SP100: variants seen among roughly 807,000 people sequenced by gnomAD.
SP100 encodes SP100 nuclear body protein, also known as nuclear autoantigen Sp-100.
SP100 carries 84 observed loss-of-function variants against 130.0 expected under a neutral mutation model. That is an observed-to-expected ratio of 0.65 (90% CI 0.54 to 0.77). The LOEUF is 0.77. SP100 is among the 30% of genes least tolerant of loss of function. SP100 has a pLI of 0.00. For missense variants in SP100, 978 were observed against 1,052.2 expected (o/e 0.93, Z 0.97); for synonymous variants, 331 against 351.7 (o/e 0.94, Z 0.66).
At chr2:230,500,884 G>T (rs1181300475) in intron 19 of SP100, among the ~76,000 whole-genome samples, 1 of 152,118 alleles carries the variant, frequency 6.6e-6, no homozygotes, top group Admixed American at 6.5e-5. Context: ...AGGAACGAGT[G>T]GTAAGAAAGC....
chr2:230,453,569 A>T (rs1228343158), intron 8 of SP100, among the ~76,000 whole-genome samples: 1 of 152,168 alleles, frequency 6.6e-6, no homozygotes, highest in Non-Finnish European at 1.5e-5. Context: ...TATTGAGATG[A>T]TCATATGGTT....
At chr2:230,434,504 T>C (rs969024947) in intron 2 of SP100, among the ~76,000 whole-genome samples, 1 of 152,162 alleles carries the variant, frequency 6.6e-6, no homozygotes, top group African/African-American at 2.4e-5. Context: ...ATGGCATATA[T>C]ATTTTTGGGG....
At chr2:230,432,458 C>T (rs973471878) in intron 2 of SP100, among the ~76,000 whole-genome samples, 6 of 152,062 alleles carry the variant, frequency 3.9e-5, no homozygotes, top group Non-Finnish European at 7.4e-5. Flanking sequence ...TCAAATCTGT[C>T]TTACAGTGTT....
At chr2:230,444,490 CT>C in intron 4 of SP100, 144 bp downstream of exon 4, 1 of 661,114 alleles carries the variant, frequency 1.5e-6, no homozygotes. Context: ...TGAGTCTTCT[CT>C]TAGCTCATGG....
intron 19 of SP100, 39 bp downstream of exon 19, chr2:230,498,574 A>G (rs1367004943): frequency 8.8e-7 from 1 of 1,136,352 alleles, no homozygotes; most frequent in Non-Finnish European, 1.2e-6. Flanking sequence ...AATAACGTCT[A>G]AATTCTCATG....
intron 11 of SP100, among the ~76,000 whole-genome samples, chr2:230,465,456 T>G (rs1256351071): frequency 6.6e-6 from 1 of 152,098 alleles, no homozygotes; most frequent in Non-Finnish European, 1.5e-5. Flanking sequence ...TAAATGGAGC[T>G]GGAGGCTATT....
At chr2:230,491,328 A>G (rs2066380315) in intron 17 of SP100, among the ~76,000 whole-genome samples, 1 of 152,216 alleles carries the variant, frequency 6.6e-6, no homozygotes, top group African/African-American at 2.4e-5. Flanking sequence ...GCTCAGGCCC[A>G]AGGACATCTG....
chr2:230,433,609 T>C (rs2063161189), intron 2 of SP100, among the ~76,000 whole-genome samples: 1 of 152,100 alleles, frequency 6.6e-6, no homozygotes, highest in African/African-American at 2.4e-5. Flanking sequence ...ACATATTGAG[T>C]CTTTCAATCC....
chr2:230,505,088 T>A (rs1689975345), intron 21 of SP100, among the ~76,000 whole-genome samples: 1 of 152,188 alleles, frequency 6.6e-6, no homozygotes. Context: ...AAAATCCAAA[T>A]TCCTAAATGC....
chr2:230,469,800 AAAC>A, intron 14 of SP100: 1 of 1,441,908 alleles, frequency 6.9e-7, no homozygotes. Flanking sequence ...AAAGAAGAAG[AAAC>A]AATGTCATCC....
chr2:230,467,535 G>A (rs950169649), intron 13 of SP100, among the ~76,000 whole-genome samples: 3 of 152,218 alleles, frequency 2.0e-5, no homozygotes, highest in Non-Finnish European at 4.4e-5. Context: ...TGGCTGGGGA[G>A]GCCTCACAAT....
chr2:230,543,944 C>T lies in SP100; in HGVS notation c.*998C>T, dbSNP rs1431538103. Reference sequence around the variant, plus strand: ...CTTCAGTAACCAAAACAGCATGGTACTGGTACCAAAAAAAAAGCCACATAG... The same window carrying T: ...CTTCAGTAACCAAAACAGCATGGTATTGGTACCAAAAAAAAAGCCACATAG... On this transcript the variant is annotated 3_prime_UTR_variant, in exon 29 of 29. Transcript: ENST00000340126. 12 of 152,028 alleles carry T rather than the reference C, an allele frequency of 7.9e-5. No individual in the cohort carries two copies. The highest frequency in any genetic ancestry group is 7.9e-4 in the Admixed American group (12 of 15,250). 9.4% of individuals were successfully genotyped at this position (152,028 alleles called of 1,614,324 possible).
At chr2:230,435,214 G>C (rs1265155231) in intron 2 of SP100, among the ~76,000 whole-genome samples, 1 of 152,122 alleles carries the variant, frequency 6.6e-6, no homozygotes, top group African/African-American at 2.4e-5. Flanking sequence ...TAATGGGTGA[G>C]AAATGGTTTC....
chr2:230,462,893 C>T (rs1304691004), intron 10 of SP100, among the ~76,000 whole-genome samples: 1 of 152,072 alleles, frequency 6.6e-6, no homozygotes, highest in African/African-American at 2.4e-5. Flanking sequence ...CTAAATATTC[C>T]TTTATGGGAA....
intron 17 of SP100, among the ~76,000 whole-genome samples, chr2:230,485,092 ATATTTTATTT>A (rs142188341): frequency 4.9e-4 from 74 of 151,008 alleles, no homozygotes; most frequent in African/African-American, 1.3e-3. Flanking sequence ...CCAGGTCCCA[ATATTTTATTT>A]TATTTTATTT....
intron 15 of SP100, among the ~76,000 whole-genome samples, chr2:230,471,141 C>T (rs112586403): frequency 0.017 from 2,635 of 152,058 alleles, 42 homozygotes; most frequent in Middle Eastern, 0.031. Flanking sequence ...AACAGAACAT[C>T]ATTGATGGAA....
At chr2:230,524,179 C>CAAAAAAAAAAA (rs71420292) in intron 24 of SP100, among the ~76,000 whole-genome samples, 103 of 75,266 alleles carry the variant, frequency 1.4e-3, no homozygotes, top group African/African-American at 2.2e-3. Context: ...ACTAAAAATA[C>CAAAAAAAAAAA]AAAAAAAAAA....
In SP100 at chr2:230,479,745, G is replaced by C. The variant is rs553044956; in HGVS notation, c.1600+5298G>C. Among the ~76,000 whole-genome samples the C allele has an allele frequency of 3.9e-5, 6 of 152,342 alleles. No homozygotes were observed. The East Asian group carries it at 5.8e-4, about 15-fold the overall frequency. Reference sequence around the variant, plus strand: ...AGATGCCAAGATTTTGAGAGATTTTGGCCAAGCCCATGCTCACAGTGAAGA... The same window carrying C: ...AGATGCCAAGATTTTGAGAGATTTTCGCCAAGCCCATGCTCACAGTGAAGA... On this transcript the variant is annotated intron_variant, in intron 17 of 28. Transcript: ENST00000340126.
intron 4 of SP100, among the ~76,000 whole-genome samples, chr2:230,444,868 T>A (rs1559491403): frequency 6.6e-6 from 1 of 152,202 alleles, no homozygotes. Context: ...ACCACAACTA[T>A]GGCTTCCCCA....
Sources: gnomAD v4.1 joint callset for allele counts (sites outside exome capture counted in the v4.1 genomes callset) on GRCh38, gnomAD v4.1.1 for gene constraint, MANE v1.5 for transcripts, NCBI Gene and HGNC (gene_info 2026-07-23, HGNC 2026-07-21) for gene names.